The following SGCZ variants were observed in gnomAD, a reference collection of about 807,000 sequenced individuals.
The protein encoded by SGCZ is zeta-sarcoglycan.
SGCZ carries 40 observed loss-of-function variants against 41.3 expected under a neutral mutation model. The observed-to-expected ratio is 0.97, with a 90% CI of 0.75 to 1.26. The LOEUF (loss-of-function observed/expected upper bound fraction) is 1.26. Ranked by LOEUF, SGCZ falls within the 50% of genes most tolerant of loss-of-function variation. SGCZ has a pLI of 0.00. For synonymous variants in SGCZ, 206 were observed against 137.5 expected, an observed-to-expected ratio of 1.50 and a Z score of -3.49; for missense variants, 552 against 369.8, an observed-to-expected ratio of 1.49 and a Z score of -4.04.
intron 1 of SGCZ, among the ~76,000 whole-genome samples, chr8:15,201,159 G>A (rs551183418): frequency 6.6e-6 from 1 of 152,260 alleles, no homozygotes; most frequent in Admixed American, 6.5e-5. Context: ...TGGGACTACA[G>A]GCCTGTGCCA....
intron 1 of SGCZ, among the ~76,000 whole-genome samples, chr8:15,207,927 A>AT (rs1563184295): frequency 6.6e-6 from 1 of 152,232 alleles, no homozygotes; most frequent in Non-Finnish European, 1.5e-5. Context: ...TCAAAACTCT[A>AT]TAACTCTTAA....
rs537961265 is a variant in SGCZ at position 14,689,344 on chromosome 8, G to A, written c.40-134418C>T. 2.3e-3 allele frequency among the ~76,000 whole-genome samples: 346 copies of A among 152,246 alleles called. 2 individuals carry two copies. The highest frequency in any genetic ancestry group is 4.1e-3 in the Non-Finnish European group (281 of 68,002). The stretch of plus-strand genomic sequence containing the variant: ...ATTAATGAAATAATTTTATGATTAT[G>A]TGGTAAGTAAAAAACAAATACATTG... On this transcript the variant is annotated intron_variant, in intron 1 of 7. Coordinates refer to ENST00000382080, the MANE Select transcript of SGCZ (RefSeq NM_139167.4).
Position 14,758,224 on chromosome 8 carries a change from C to A in SGCZ, c.40-203298G>T, listed in dbSNP as rs140056999. Among the ~76,000 whole-genome samples the A allele has an allele frequency of 1.0e-3, 156 of 152,262 alleles. 2 individuals carry two copies. Among genetic ancestry groups the A allele is most frequent in the East Asian group, 2.5e-3 (13 of 5,180 alleles). On this transcript the variant is annotated intron_variant, in intron 1 of 7. Coordinates refer to ENST00000382080, the MANE Select transcript of SGCZ (RefSeq NM_139167.4). ...GCCTGGTTTACAAATCCAGTGTTGT[C>A]GAATTCACATCAAGATCTTCTATTA... is the stretch of plus-strand genomic sequence containing the variant.
chr8:14,801,840 T>A (rs1482977138), intron 1 of SGCZ, among the ~76,000 whole-genome samples: 1 of 151,752 alleles, frequency 6.6e-6, no homozygotes, highest in Non-Finnish European at 1.5e-5. Flanking sequence ...TACAAGAGGA[T>A]GGTTAGAAAA....
intron 3 of SGCZ, among the ~76,000 whole-genome samples, chr8:14,322,325 A>T (rs1375742231): frequency 6.6e-6 from 1 of 152,072 alleles, no homozygotes; most frequent in Non-Finnish European, 1.5e-5. Context: ...GAAGCGGAGC[A>T]TATATTCTTC....
At chr8:14,290,139 T>C (rs6530755) in intron 3 of SGCZ, among the ~76,000 whole-genome samples, 114,028 of 151,474 alleles carry the variant, frequency 0.75, 43,350 homozygotes, top group Non-Finnish European at 0.8. Context: ...AGAGCCAAAC[T>C]GTATTAAGAA....
chr8:14,946,042 ATATATATATATATG>A (rs1800433364), intron 1 of SGCZ, among the ~76,000 whole-genome samples: 1 of 115,382 alleles, frequency 8.7e-6, no homozygotes, highest in Non-Finnish European at 1.8e-5. Context: ...ATATATATAT[ATATATATATATATG>A]AATCATTCTG....
intron 2 of SGCZ, among the ~76,000 whole-genome samples, chr8:14,364,890 C>T (rs531396307): frequency 6.6e-6 from 1 of 152,082 alleles, no homozygotes; most frequent in South Asian, 2.1e-4. Context: ...ATATATAGTT[C>T]TTCTGAAACT....
At chr8:14,654,718 C>T (rs755308426) in intron 1 of SGCZ, among the ~76,000 whole-genome samples, 15 of 151,440 alleles carry the variant, frequency 9.9e-5, no homozygotes, top group East Asian at 7.8e-4. Flanking sequence ...ATTATAGGCA[C>T]GCACCGCCAT....
intron 5 of SGCZ, among the ~76,000 whole-genome samples, chr8:14,150,670 G>A (rs901044353): frequency 6.6e-6 from 1 of 152,060 alleles, no homozygotes; most frequent in African/African-American, 2.4e-5. Context: ...TCCTACTGCT[G>A]GGTGTACACA....
At chr8:14,638,996 G>A (rs1225570984) in intron 1 of SGCZ, among the ~76,000 whole-genome samples, 1 of 150,958 alleles carries the variant, frequency 6.6e-6, no homozygotes, top group South Asian at 2.1e-4. Flanking sequence ...ACTAGAATAC[G>A]GGAGATGTAT....
In SGCZ at chr8:14,324,132, A is replaced by T. The variant is rs376976858; in HGVS notation, c.307T>A (p.Leu103Met). 1.9e-6 allele frequency: 3 copies of T among 1,612,732 alleles called. No homozygotes were observed. The highest frequency in any genetic ancestry group is 1.7e-5 in the Admixed American group (1 of 59,972). The change falls in exon 3 of 8, where the codon TTG (leucine) becomes ATG (methionine). Residue 103 changes from leucine to methionine, a missense_variant. Coordinates refer to ENST00000382080, the MANE Select transcript of SGCZ (RefSeq NM_139167.4). ...CGAGAATGAATTTCTTTCACATACAATGGAAGTAGAAACTCAGATATACCT... is the reference window on the plus strand; with the variant it reads ...CGAGAATGAATTTCTTTCACATACATTGGAAGTAGAAACTCAGATATACCT... ...LEGISEFLLPLYVKEIHSRKD... is the reference protein window; with the variant it reads ...LEGISEFLLPMYVKEIHSRKD...
At chr8:14,244,119 C>T (rs1038499384) in intron 3 of SGCZ, among the ~76,000 whole-genome samples, 1 of 151,750 alleles carries the variant, frequency 6.6e-6, no homozygotes, top group Non-Finnish European at 1.5e-5. Flanking sequence ...ATTTAGGAAG[C>T]CATTACTCCC....
intron 2 of SGCZ, among the ~76,000 whole-genome samples, chr8:14,455,368 T>C (rs1280650279): frequency 1.3e-5 from 2 of 152,046 alleles, no homozygotes; most frequent in Non-Finnish European, 2.9e-5. Flanking sequence ...CTGTCCTAGT[T>C]GGTGAGTCTG....
rs73531307 is a variant in SGCZ, at chr8:14,298,834, C to A, written c.336+25269G>T. 6.2e-3 allele frequency among the ~76,000 whole-genome samples: 938 copies of A among 151,896 alleles called. 9 individuals carry two copies. The highest frequency in any genetic ancestry group is 0.022 in the African/African-American group (898 of 41,500). On this transcript the variant is annotated intron_variant, in intron 3 of 7. Coordinates refer to ENST00000382080, the MANE Select transcript of SGCZ (RefSeq NM_139167.4). ...GTGTGTGTGGGTGTGTGTGATTCTG[C>A]AGAAATCAACATTTTTATATGGAAC...
chr8:14,465,143 C>G (rs181572236), intron 2 of SGCZ, among the ~76,000 whole-genome samples: 43 of 151,746 alleles, frequency 2.8e-4, no homozygotes, highest in African/African-American at 1.0e-3. Flanking sequence ...TGATGTTTCT[C>G]CCTATTATTG....
chr8:15,148,232 C>T (rs1037386674), intron 1 of SGCZ, among the ~76,000 whole-genome samples: 3 of 152,204 alleles, frequency 2.0e-5, no homozygotes, highest in South Asian at 4.1e-4. Context: ...AATTCACTCT[C>T]TCTTGGATGA....
At chr8:14,379,160 C>G (rs1226618897) in intron 2 of SGCZ, among the ~76,000 whole-genome samples, 1 of 152,072 alleles carries the variant, frequency 6.6e-6, no homozygotes, top group African/African-American at 2.4e-5. Flanking sequence ...AGAATCTTAA[C>G]TGCAAAAGAA....
At chr8:14,409,337 A>C (rs191505575) in intron 2 of SGCZ, among the ~76,000 whole-genome samples, 299 of 152,256 alleles carry the variant, frequency 2.0e-3, no homozygotes, top group Non-Finnish European at 3.2e-3. Context: ...CAACCTGAGG[A>C]TCCAAAAATG....
Sources: gnomAD v4.1 joint callset for allele counts (sites outside exome capture counted in the v4.1 genomes callset) on GRCh38, gnomAD v4.1.1 for gene constraint, MANE v1.5 for transcripts, NCBI Gene and HGNC (gene_info 2026-07-23, HGNC 2026-07-21) for gene names.